The following ANK3 variants were observed in gnomAD, a reference collection of about 807,000 sequenced individuals.
ANK3 encodes the protein ankyrin-3.
Under a neutral mutation model 370.9 loss-of-function variants are expected in ANK3, and 57 were observed. The observed-to-expected ratio is 0.15, with a 90% CI of 0.12 to 0.19. ANK3 has a LOEUF of 0.19. Ranked by LOEUF, ANK3 falls within the 10% of genes least tolerant of loss-of-function variation. The pLI is 1.00. For synonymous variants in ANK3, 1,929 were observed against 1,946.3 expected, an observed-to-expected ratio of 0.99 and a Z score of 0.23; for missense variants, 4,439 against 5,302.1, an observed-to-expected ratio of 0.84 and a Z score of 5.06.
intron 2 of ANK3, among the ~76,000 whole-genome samples, chr10:60,571,481 T>C (rs1006664234): frequency 6.6e-6 from 1 of 152,220 alleles, no homozygotes; most frequent in African/African-American, 2.4e-5. Flanking sequence ...ATACATTACA[T>C]TGGGCCAAGG....
rs139879505 is a variant in ANK3, at chr10:60,389,436, G to A, written c.103C>T (p.Arg35Trp). 62 of 1,613,292 alleles carry A rather than the reference G, an allele frequency of 3.8e-5. No individual in the cohort carries two copies. The African/African-American group carries it at 7.1e-4, about 18-fold the overall frequency. The change falls in exon 1 of 44, where the codon CGG (arginine) becomes TGG (tryptophan). Residue 35 changes from arginine to tryptophan, a missense_variant. Around this residue, in one of 13 missense-constraint regions of ANK3, gnomAD observed 54 missense variants for 52.7 expected, o/e 1.02. Transcript: ENST00000280772. ...KRKHRKRSRD[R>W]KKKSDANASY... ...GCATACATAGATACCTTTTTCTTCCGATCCCGGGACCGTTTGCGGTGTTTC... is the reference window on the plus strand; with the variant it reads ...GCATACATAGATACCTTTTTCTTCCAATCCCGGGACCGTTTGCGGTGTTTC...
At position 60,134,305 on chromosome 10, in the gene ANK3, A is replaced by G; in HGVS notation, c.2807T>C (p.Met936Thr). The change falls in exon 25 of 44, where the codon ATG becomes ACG. Residue 936 changes from methionine (M) to threonine (T), a missense_variant. Physicochemically the swap from Met to Thr is moderately conservative, Grantham distance 81 (BLOSUM62 -1). Coordinates refer to ENST00000280772, the MANE Select transcript of ANK3 (RefSeq NM_020987.5). ...GGATGGCACAAGGAGTTCTTCAATC[A>G]TCATGCTGTCCCGTGCATAGGAGCT... The part of the protein sequence containing the change: ...NRSSYARDSM[M>T]IEELLVPSKE... The G allele has an allele frequency of 6.2e-7, 1 of 1,614,006 alleles. No individual in the cohort carries two copies. The highest frequency in any genetic ancestry group is 8.5e-7 in the Non-Finnish European group (1 of 1,179,940).
At chr10:60,548,714 CTATAG>C (rs1319704127) in intron 2 of ANK3, among the ~76,000 whole-genome samples, 1 of 151,984 alleles carries the variant, frequency 6.6e-6, no homozygotes, top group Non-Finnish European at 1.5e-5. Flanking sequence ...TCCTAAAATA[CTATAG>C]TATAGGATTA....
In ANK3 at chr10:60,486,015, G is replaced by A. The variant is rs192560855; in HGVS notation, c.96+129171C>T. Among the ~76,000 whole-genome samples, 195 of 152,198 alleles carry A rather than the reference G, an allele frequency of 1.3e-3. No homozygotes were observed. The Middle Eastern group carries it at 0.017, about 13-fold the overall frequency. ...TGGAACAGGAAAGGGGTGCTTGAGA[G>A]CCTACTCAAAGAAAAACTTCCCTCA... On this transcript the variant is annotated intron_variant, in intron 2 of 43. Coordinates refer to the ANK3 transcript ENST00000373827.
intron 1 of ANK3, among the ~76,000 whole-genome samples, chr10:60,332,095 C>G (rs927419054): frequency 1.3e-5 from 2 of 151,890 alleles, no homozygotes; most frequent in Admixed American, 1.3e-4. Flanking sequence ...ATTGTGCTAA[C>G]CTCAGCAAAA....
rs561240012 is a variant in ANK3 at position 60,382,424 on chromosome 10, C to G, written c.114+7001G>C. 2.6e-5 allele frequency among the ~76,000 whole-genome samples: 4 copies of G among 152,274 alleles called. No individual in the cohort carries two copies. The East Asian group carries it at 7.7e-4, about 29-fold the overall frequency. ...TAATTAATCAGAAAGTCACCCATGA[C>G]TGAGAAATCATTTACCAGAACCAAT... On this transcript the variant is annotated intron_variant, in intron 1 of 43. Transcript: ENST00000280772.
chr10:60,180,849 G>C (rs1174473001), intron 18 of ANK3, among the ~76,000 whole-genome samples: 1 of 151,982 alleles, frequency 6.6e-6, no homozygotes. Context: ...GTCTGAGAGA[G>C]GGAGAACACA....
chr10:60,269,153 C>T (rs559602221), intron 5 of ANK3, among the ~76,000 whole-genome samples: 3 of 152,258 alleles, frequency 2.0e-5, no homozygotes, highest in African/African-American at 7.2e-5. Flanking sequence ...AATATTGATC[C>T]TTTATTATTA....
rs941787805 is a variant in ANK3 at position 60,234,717 on chromosome 10, G to T, written c.868C>A (p.Arg290=). The T allele has an allele frequency of 3.7e-6, 6 of 1,613,158 alleles. No individual in the cohort carries two copies. In the African/African-American group the frequency reaches 6.7e-5, roughly 18 times the overall value. Residue 290 remains arginine, a synonymous_variant, in exon 8 of 44, where the codon CGA becomes AGA. Transcript: ENST00000280772. ...GTTTTGGCATCGATTTTAGCTCCTC[G>T]ATCGAGCAATAGTTTTACCATATTT... ...NANMVKLLLD[R]GAKIDAKTRD... is the part of the protein sequence containing the mutation.
intron 2 of ANK3, among the ~76,000 whole-genome samples, chr10:60,514,186 G>A (rs1476841682): frequency 6.6e-6 from 1 of 152,042 alleles, no homozygotes; most frequent in African/African-American, 2.4e-5. Flanking sequence ...TATCAGTAAG[G>A]CTGCCCGTCA....
At chr10:60,242,800 C>T (rs2097488374) in intron 7 of ANK3, among the ~76,000 whole-genome samples, 2 of 152,044 alleles carry the variant, frequency 1.3e-5, no homozygotes, top group Admixed American at 6.5e-5. Flanking sequence ...ACACAACAAC[C>T]CTAGAAAGAA....
intron 1 of ANK3, among the ~76,000 whole-genome samples, chr10:60,386,503 T>C (rs1214653333): frequency 6.6e-6 from 1 of 151,594 alleles, no homozygotes; most frequent in Non-Finnish European, 1.5e-5. Context: ...TTATTAAAAC[T>C]CAACTAATTA....
chr10:60,242,751 C>T (rs575823597), intron 7 of ANK3, among the ~76,000 whole-genome samples: 2 of 152,294 alleles, frequency 1.3e-5, no homozygotes, highest in South Asian at 2.1e-4. Context: ...AAAAGAAGGA[C>T]ATTCACAGGT....
chr10:60,286,723 C>T (rs2040110542), intron 1 of ANK3, among the ~76,000 whole-genome samples: 2 of 152,134 alleles, frequency 1.3e-5, no homozygotes, highest in Admixed American at 1.3e-4. Flanking sequence ...TTGCTTGTGA[C>T]CTCATATTCC....
intron 1 of ANK3, among the ~76,000 whole-genome samples, chr10:60,320,035 TC>T (rs1465097343): frequency 6.6e-6 from 1 of 152,186 alleles, no homozygotes; most frequent in East Asian, 1.9e-4. Flanking sequence ...AGGCTGTCCT[TC>T]CTTGAATGCC....
intron 11 of ANK3, among the ~76,000 whole-genome samples, chr10:60,204,949 CAG>C (rs1251928479): frequency 2.0e-5 from 3 of 152,018 alleles, no homozygotes; most frequent in African/African-American, 7.3e-5. Context: ...GTGTGACACA[CAG>C]AGGCAGAGAC....
chr10:60,381,903 T>C (rs994235611), intron 1 of ANK3, among the ~76,000 whole-genome samples: 2 of 152,210 alleles, frequency 1.3e-5, no homozygotes, highest in African/African-American at 4.8e-5. Flanking sequence ...TTCTCTTCAA[T>C]ACCATGAATT....
At chr10:60,082,837 G>A (rs1305978321) in intron 33 of ANK3, 100 bp from the exon 34 acceptor site, 4 of 1,356,884 alleles carry the variant, frequency 2.9e-6, no homozygotes, top group African/African-American at 1.5e-5. Context: ...AGCCCTATGA[G>A]AGGCAGGAAA....
chr10:60,176,389 G>GA (rs1237005346), intron 18 of ANK3, among the ~76,000 whole-genome samples: 31 of 138,452 alleles, frequency 2.2e-4, no homozygotes, highest in Admixed American at 6.5e-4. Context: ...AAAAAAGAAA[G>GA]AAAAAAAAAC....
Sources: gnomAD v4.1 joint callset for allele counts (sites outside exome capture counted in the v4.1 genomes callset) on GRCh38, gnomAD v4.1.1 for gene constraint, gnomAD v4.1.1 regional missense constraint, MANE v1.5 for transcripts, NCBI Gene and HGNC (gene_info 2026-07-23, HGNC 2026-07-21) for gene names.